The following LRRTM4 variants were observed in gnomAD, a reference collection of about 807,000 sequenced individuals.
The protein encoded by LRRTM4 is leucine-rich repeat transmembrane neuronal protein 4.
In LRRTM4, 25 loss-of-function variants were observed where a neutral mutation model predicts 47.6. The observed-to-expected ratio is 0.53, with a 90% CI of 0.38 to 0.73. The LOEUF is 0.73. Among genes scored for constraint, LRRTM4 ranks in the 30% least tolerant of loss-of-function variants. The pLI is 0.00. For missense variants in LRRTM4, 638 were observed against 713.4 expected (o/e 0.89, Z 1.20); for synonymous variants, 311 against 269.5 (o/e 1.15, Z -1.51).
At chr2:76,812,080 A>T (rs940103552) in intron 3 of LRRTM4, among the ~76,000 whole-genome samples, 1 of 152,118 alleles carries the variant, frequency 6.6e-6, no homozygotes, top group Non-Finnish European at 1.5e-5. Flanking sequence ...ACTCCTTTTG[A>T]TAGATGGAGT....
At chr2:77,279,807 G>T (rs749381118) in intron 3 of LRRTM4, among the ~76,000 whole-genome samples, 24 of 151,922 alleles carry the variant, frequency 1.6e-4, no homozygotes, top group Non-Finnish European at 2.2e-4. Context: ...ATAAGGAAAT[G>T]AAGAGAGAGG....
chr2:77,383,679 C>A (rs1673149298), intron 3 of LRRTM4, among the ~76,000 whole-genome samples: 1 of 152,040 alleles, frequency 6.6e-6, no homozygotes, highest in South Asian at 2.1e-4. Context: ...CTAATATACC[C>A]TTCATAGAGA....
At chr2:76,886,270 T>C (rs1673073204) in intron 3 of LRRTM4, among the ~76,000 whole-genome samples, 1 of 152,216 alleles carries the variant, frequency 6.6e-6, no homozygotes, top group African/African-American at 2.4e-5. Context: ...CATTGATCAT[T>C]TGGGTCCAAT....
chr2:76,856,707 T>C (rs1229430095), intron 3 of LRRTM4, among the ~76,000 whole-genome samples: 4 of 152,138 alleles, frequency 2.6e-5, no homozygotes, highest in African/African-American at 9.7e-5. Flanking sequence ...TTATATTAAA[T>C]GACTTGAAAA....
intron 3 of LRRTM4, among the ~76,000 whole-genome samples, chr2:76,833,839 A>G (rs1360239308): frequency 1.3e-5 from 2 of 151,696 alleles, no homozygotes; most frequent in East Asian, 3.9e-4. Context: ...TGTACCTTAT[A>G]TACTGTGCTA....
chr2:77,104,731 T>C (rs1671052891), intron 3 of LRRTM4, among the ~76,000 whole-genome samples: 1 of 152,138 alleles, frequency 6.6e-6, no homozygotes, highest in Admixed American at 6.5e-5. Flanking sequence ...GGACACCCGC[T>C]GAAATCGAGC....
intron 3 of LRRTM4, among the ~76,000 whole-genome samples, chr2:77,055,721 C>T (rs1032731091): frequency 1.1e-4 from 16 of 151,968 alleles, no homozygotes; most frequent in African/African-American, 3.4e-4. Flanking sequence ...AATCATGCTG[C>T]TATAAAGACA....
chr2:76,972,091 G>T (rs777114689), intron 3 of LRRTM4, among the ~76,000 whole-genome samples: 1 of 151,956 alleles, frequency 6.6e-6, no homozygotes, highest in African/African-American at 2.4e-5. Context: ...CTAGAAGTCA[G>T]TCAGTTCTAT....
At chr2:76,870,705 C>T (rs1007348458) in intron 3 of LRRTM4, among the ~76,000 whole-genome samples, 4 of 152,126 alleles carry the variant, frequency 2.6e-5, no homozygotes, top group African/African-American at 4.8e-5. Context: ...AAGTGATTTT[C>T]TTCGGTAGAA....
intron 3 of LRRTM4, among the ~76,000 whole-genome samples, chr2:77,187,401 C>G (rs1297107287): frequency 6.8e-6 from 1 of 146,786 alleles, no homozygotes; most frequent in Admixed American, 7.2e-5. Context: ...CCTGAGCCTG[C>G]CTATATAAAA....
At chr2:76,800,990 A>T (rs13418858) in intron 3 of LRRTM4, among the ~76,000 whole-genome samples, 2 of 144,112 alleles carry the variant, frequency 1.4e-5, no homozygotes, top group African/African-American at 5.1e-5. Context: ...TTAGAATGGC[A>T]ATCATTAAAA....
chr2:76,970,471 A>G (rs1278689207), intron 3 of LRRTM4, among the ~76,000 whole-genome samples: 3 of 151,980 alleles, frequency 2.0e-5, no homozygotes, highest in Non-Finnish European at 4.4e-5. Context: ...CTCTGTAAGC[A>G]TGCTATTGAA....
At chr2:77,468,150 T>G (rs745416695) in intron 3 of LRRTM4, among the ~76,000 whole-genome samples, 1 of 152,188 alleles carries the variant, frequency 6.6e-6, no homozygotes, top group Non-Finnish European at 1.5e-5. Flanking sequence ...CCATTACTTT[T>G]TCTCAAAAAA....
intron 3 of LRRTM4, among the ~76,000 whole-genome samples, chr2:77,014,768 T>A (rs931432656): frequency 2.6e-5 from 4 of 152,054 alleles, no homozygotes; most frequent in African/African-American, 7.2e-5. Flanking sequence ...GTGGAGATTG[T>A]GCCACTGTAC....
At chr2:77,004,357 T>G (rs1479812541) in intron 3 of LRRTM4, among the ~76,000 whole-genome samples, 1 of 152,198 alleles carries the variant, frequency 6.6e-6, no homozygotes, top group Non-Finnish European at 1.5e-5. Context: ...TAGTCATGGC[T>G]AAAAGAGACC....
intron 3 of LRRTM4, among the ~76,000 whole-genome samples, chr2:77,425,178 C>CT (rs35034691): frequency 0.47 from 71,556 of 151,788 alleles, 17,850 homozygotes; most frequent in African/African-American, 0.64. Context: ...CAGAGTAAAC[C>CT]AACATCTGAA....
At chr2:76,794,898 A>G (rs1404376720) in intron 3 of LRRTM4, among the ~76,000 whole-genome samples, 1 of 152,178 alleles carries the variant, frequency 6.6e-6, no homozygotes, top group African/African-American at 2.4e-5. Context: ...CCACAGTTGT[A>G]GAAAAATTAA....
chr2:76,925,948 T>G (rs912476624), intron 3 of LRRTM4, among the ~76,000 whole-genome samples: 4 of 152,266 alleles, frequency 2.6e-5, no homozygotes, highest in African/African-American at 9.6e-5. Flanking sequence ...TGCTCTCCCC[T>G]TCCTCTTTTA....
intron 3 of LRRTM4, among the ~76,000 whole-genome samples, chr2:77,310,329 C>CATATAT (rs113049547): frequency 1.1e-4 from 16 of 150,562 alleles, no homozygotes; most frequent in African/African-American, 3.9e-4. Flanking sequence ...CACACACATA[C>CATATAT]ATATATATAT....
Sources: allele counts gnomAD v4.1 joint callset (sites outside exome capture counted in the v4.1 genomes callset), GRCh38; gene constraint gnomAD v4.1.1; transcripts MANE v1.5; gene names NCBI Gene and HGNC (gene_info 2026-07-23, HGNC 2026-07-21).